KCNN3: variants seen among roughly 807,000 people sequenced by gnomAD.
KCNN3 encodes the protein potassium calcium-activated channel subfamily N member 3, also known as small conductance calcium-activated potassium channel protein 3.
KCNN3 carries 16 observed loss-of-function variants against 62.9 expected under a neutral mutation model. That is an observed-to-expected ratio of 0.25 (90% confidence interval 0.17 to 0.39). The LOEUF (loss-of-function observed/expected upper bound fraction) is 0.39. Among genes scored for constraint, KCNN3 ranks in the 10% least tolerant of loss-of-function variants. The pLI, the probability that KCNN3 is intolerant of heterozygous loss-of-function variation, is 1.00. For missense variants in KCNN3, 599 were observed against 949.4 expected (o/e 0.63, Z 4.85); for synonymous variants, 370 against 389.2 (o/e 0.95, Z 0.58).
intron 1 of KCNN3, among the ~76,000 whole-genome samples, chr1:154,822,832 G>A (rs1271803760): frequency 1.3e-5 from 2 of 152,208 alleles, no homozygotes; most frequent in Non-Finnish European, 2.9e-5. Context: ...TAGGGATTAG[G>A]TGGGGGAGGT....
At chr1:154,803,608 A>G (rs962652504) in intron 2 of KCNN3, among the ~76,000 whole-genome samples, 2 of 152,226 alleles carry the variant, frequency 1.3e-5, no homozygotes, top group African/African-American at 4.8e-5. Context: ...GGCATATTTT[A>G]CAGTTAGAAA....
intron 4 of KCNN3, among the ~76,000 whole-genome samples, chr1:154,729,630 A>G (rs1700548393): frequency 6.6e-6 from 1 of 152,184 alleles, no homozygotes; most frequent in African/African-American, 2.4e-5. Flanking sequence ...ACACAAATGA[A>G]AGTGACAAAT....
rs766983244 is a variant in KCNN3 at position 154,726,038 on chromosome 1, C to T, written c.1591-12G>A. The T allele has an allele frequency of 7.1e-5, 114 of 1,599,456 alleles. No homozygotes were observed. The highest frequency in any genetic ancestry group is 9.7e-5 in the Non-Finnish European group (113 of 1,167,372). The stretch of plus-strand genomic sequence containing the variant: ...GTGCAGCCTGCACCCTGCGGGGGGA[C>T]ATCAAGAGGACCAGAGGGGAAAGAA... On this transcript the variant is annotated splice_polypyrimidine_tract_variant and intron_variant, in intron 4 of 7. Transcript: ENST00000271915.
At chr1:154,850,430 C>G (rs1571337646) in intron 1 of KCNN3, among the ~76,000 whole-genome samples, 2 of 152,216 alleles carry the variant, frequency 1.3e-5, no homozygotes, top group African/African-American at 4.8e-5. Context: ...AGCCCGGGTG[C>G]CAGCATCAGA....
rs1408771208 is a variant in KCNN3 at position 154,713,078 on chromosome 1, C to T, written c.1899+386G>A. The stretch of plus-strand genomic sequence containing the variant: ...TTACAGCAAACCGGTGTGACCTGGG[C>T]AGTTACCATGGCCATCGTTACCGTC... On this transcript the variant is annotated intron_variant, in intron 7 of 7. Coordinates refer to ENST00000271915, the MANE Select transcript of KCNN3 (RefSeq NM_002249.6). 1.1e-4 allele frequency among the ~76,000 whole-genome samples: 17 copies of T among 152,152 alleles called. 1 individual carries two copies. The highest frequency in any genetic ancestry group is 1.1e-3 in the Admixed American group (17 of 15,276).
In KCNN3 at chr1:154,699,199, T is replaced by A. The variant is rs79500974; in HGVS notation, c.*8777A>T. The A allele has an allele frequency of 1.3e-5, 2 of 151,100 alleles. No homozygotes were observed. The highest frequency in any genetic ancestry group is 4.2e-4 in the South Asian group (2 of 4,776). 9.4% of individuals were successfully genotyped at this position (151,100 alleles called of 1,614,324 possible). On this transcript the variant is annotated 3_prime_UTR_variant, in exon 8 of 8. Transcript: ENST00000271915. ...GGCACTTGACTTTTTTTTTTTTTTT[T>A]AATATCCTTTACCTTTTTAATAAAA... is the stretch of plus-strand genomic sequence containing the variant.
At chr1:154,726,072 T>A in intron 4 of KCNN3, 46 bp from the exon 5 acceptor site, 1 of 1,447,482 alleles carries the variant, frequency 6.9e-7, no homozygotes, top group Non-Finnish European at 9.7e-7. Flanking sequence ...AACATATCAT[T>A]AAGAGGCAAG....
chr1:154,800,514 G>C (rs1265992206), intron 2 of KCNN3, among the ~76,000 whole-genome samples: 4 of 152,130 alleles, frequency 2.6e-5, no homozygotes, highest in Non-Finnish European at 5.9e-5. Context: ...ATTGTTAAGA[G>C]ATCCCAGTAC....
intron 3 of KCNN3, among the ~76,000 whole-genome samples, chr1:154,734,549 G>A (rs1429203715): frequency 1.3e-5 from 2 of 152,242 alleles, no homozygotes; most frequent in African/African-American, 4.8e-5. Context: ...TGCCCAGCGA[G>A]TGATAGGCAA....
intron 1 of KCNN3, among the ~76,000 whole-genome samples, chr1:154,866,953 C>T (rs1301092301): frequency 1.3e-5 from 2 of 152,234 alleles, no homozygotes; most frequent in East Asian, 1.9e-4. Context: ...ACTCTCCCGT[C>T]GCGTTAAGAC....
At position 154,772,082 on chromosome 1, in the gene KCNN3, G is replaced by A. The variant is rs1426240316; in HGVS notation, c.1341C>T (p.Thr447=). The A allele has an allele frequency of 6.2e-7, 1 of 1,614,168 alleles. No individual in the cohort carries two copies. Among genetic ancestry groups the A allele is most frequent in the Admixed American group, 1.7e-5 (1 of 60,024 alleles). ...TCATGAGCGTCTTCATGACAAAGCG[G>A]GTGTTGAAGTTGATCTTGTTGAGGG... ...IGALNKINFN[T]RFVMKTLMTI... The change falls in exon 3 of 8, where the codon ACC becomes ACT. Residue 447 remains threonine, a synonymous_variant. Transcript: ENST00000271915. This position sits in a 1 kb window ranked among gnomAD's most constrained non-coding sequence, Gnocchi z 5.6.
rs1699807918 is a variant in KCNN3, at chr1:154,699,501, C to T, written c.*8475G>A. ...ATACTGACCTCTTTAGATTGAAGTC[C>T]AAGGCACTTTTTACAATGAACAGGT... On this transcript the variant is annotated 3_prime_UTR_variant, in exon 8 of 8. Transcript: ENST00000271915. 2 of 152,056 alleles carry T rather than the reference C, an allele frequency of 1.3e-5. No individual in the cohort carries two copies. The highest frequency in any genetic ancestry group is 2.9e-5 in the Non-Finnish European group (2 of 68,026). The allele number at this position is 152,056 out of a possible 1,614,324, so 9.4% of individuals were successfully genotyped here.
At chr1:154,868,912 C>G in intron 1 of KCNN3, 120 bp downstream of exon 1, 1 of 996,840 alleles carries the variant, frequency 1.0e-6, no homozygotes, top group South Asian at 1.3e-5. Flanking sequence ...CTCTCTCTCT[C>G]TCTCTCTCTC....
chr1:154,734,596 C>T (rs534436979), intron 3 of KCNN3, among the ~76,000 whole-genome samples: 8 of 152,250 alleles, frequency 5.3e-5, no homozygotes, highest in South Asian at 2.1e-4. Flanking sequence ...TTAAGTGAGG[C>T]GTGCAGGGCA....
At chr1:154,804,632 T>C (rs1650094627) in intron 2 of KCNN3, among the ~76,000 whole-genome samples, 1 of 152,132 alleles carries the variant, frequency 6.6e-6, no homozygotes. Flanking sequence ...TCTGCTGAAA[T>C]TAACTGAATC....
rs1558015397 is a variant in KCNN3 at position 154,869,548 on chromosome 1, G to A, written c.417C>T (p.His139=). Residue 139 remains histidine, a synonymous_variant, in exon 1 of 8, where the codon CAC becomes CAT. Transcript: ENST00000271915. The surrounding 1 kb of genome is among the most constrained non-coding windows in gnomAD (Gnocchi z 6.1). ...QLNLNDHLLG[H]SPSSTATSGP... ...CACTTGTAGCTGTGGAACTTGGAGA[G>A]TGGCCAAGCAAGTGGTCATTGAGAT... The A allele has an allele frequency of 1.2e-6, 2 of 1,614,162 alleles. No homozygotes were observed. The highest frequency in any genetic ancestry group is 1.6e-4 in the Middle Eastern group (1 of 6,062).
intron 1 of KCNN3, among the ~76,000 whole-genome samples, chr1:154,827,698 C>A (rs1651195937): frequency 6.6e-6 from 1 of 152,030 alleles, no homozygotes; most frequent in South Asian, 2.1e-4. Flanking sequence ...TCTCAGGAGG[C>A]TGAGGCAGGA....
intron 3 of KCNN3, among the ~76,000 whole-genome samples, chr1:154,746,262 T>C (rs906278): frequency 0.85 from 129,389 of 152,178 alleles, 55,226 homozygotes; most frequent in East Asian, 1. Context: ...AGACAAGTGA[T>C]GCCAAGTTGG....
intron 1 of KCNN3, among the ~76,000 whole-genome samples, chr1:154,850,479 T>G (rs968632812): frequency 1.3e-5 from 2 of 152,162 alleles, no homozygotes; most frequent in Non-Finnish European, 2.9e-5. Flanking sequence ...AAGCCATACC[T>G]GCTGCCTTTC....
Sources: gnomAD v4.1 joint callset for allele counts (sites outside exome capture counted in the v4.1 genomes callset) on GRCh38, gnomAD v4.1.1 for gene constraint, Gnocchi (gnomAD v3.1) non-coding constraint, MANE v1.5 for transcripts, NCBI Gene and HGNC (gene_info 2026-07-23, HGNC 2026-07-21) for gene names.